The following TMEM229B variants were observed in gnomAD, a reference collection of about 807,000 sequenced individuals.
The protein encoded by TMEM229B is transmembrane protein 229B.
TMEM229B carries 6 observed loss-of-function variants against 13.7 expected under a neutral mutation model. That is an observed-to-expected ratio of 0.44 (90% confidence interval 0.24 to 0.86). The LOEUF is 0.86. Ranked by LOEUF, TMEM229B falls within the 40% of genes least tolerant of loss-of-function variation. The pLI is 0.23. For synonymous variants in TMEM229B, 107 were observed against 102.1 expected (o/e 1.05, Z -0.29); for missense variants, 170 against 236.0 (o/e 0.72, Z 1.83).
intron 1 of TMEM229B, among the ~76,000 whole-genome samples, chr14:67,522,424 G>C (rs1025833767): frequency 1.3e-5 from 2 of 152,276 alleles, no homozygotes; most frequent in African/African-American, 2.4e-5. Flanking sequence ...TCTGAGGGGG[G>C]ACAAAGGAGT....
intron 1 of TMEM229B, among the ~76,000 whole-genome samples, chr14:67,495,252 C>T (rs2032321445): frequency 6.6e-6 from 1 of 152,092 alleles, no homozygotes. Flanking sequence ...GGAAACATTT[C>T]CTCTTCCAAT....
upstream of TMEM229B, among the ~76,000 whole-genome samples, chr14:67,516,900 T>G (rs2033212887): frequency 6.6e-6 from 1 of 152,220 alleles, no homozygotes; most frequent in Non-Finnish European, 1.5e-5. Context: ...TGGCAGGAAC[T>G]CTAGACTTCC....
chr14:67,490,428 C>T (rs1443130644), upstream of TMEM229B, among the ~76,000 whole-genome samples: 1 of 152,230 alleles, frequency 6.6e-6, no homozygotes, highest in Non-Finnish European at 1.5e-5. Context: ...AGGGGAGATA[C>T]TGCAGCCTCC....
At chr14:67,526,402 T>G (rs2033368390) in intron 1 of TMEM229B, among the ~76,000 whole-genome samples, 1 of 152,226 alleles carries the variant, frequency 6.6e-6, no homozygotes, top group Admixed American at 6.5e-5. Flanking sequence ...AAGCTGACGG[T>G]CTTTGCATGC....
intron 1 of TMEM229B, among the ~76,000 whole-genome samples, chr14:67,507,024 A>G (rs558231816): frequency 6.6e-6 from 1 of 152,198 alleles, no homozygotes; most frequent in South Asian, 2.1e-4. Flanking sequence ...AGCCTTGTTC[A>G]AAGGGAACTG....
At chr14:67,492,201 A>G (rs922791619), upstream of TMEM229B, among the ~76,000 whole-genome samples, 4 of 151,452 alleles carry the variant, frequency 2.6e-5, no homozygotes, top group Non-Finnish European at 5.9e-5. Flanking sequence ...TCCCACGTCT[A>G]TTTCCTCCCA....
intron 1 of TMEM229B, among the ~76,000 whole-genome samples, chr14:67,513,675 T>G (rs1287131326): frequency 6.6e-6 from 1 of 152,196 alleles, no homozygotes; most frequent in Non-Finnish European, 1.5e-5. Context: ...ACTTGTATCC[T>G]TGTATCATTA....
Position 67,473,604 on chromosome 14 carries a change from T to G in TMEM229B, c.320A>C (p.Gln107Pro). The G allele has an allele frequency of 6.2e-7, 1 of 1,602,600 alleles. No individual in the cohort carries two copies. Among genetic ancestry groups the G allele is most frequent in the African/African-American group, 1.3e-5 (1 of 74,926 alleles). ...QFNACPWDYS[Q>P]FDFDFMGLIT... ...GAGGCCCATGAAGTCAAAGTCGAAC[T>G]GGGAGTAGTCCCAGGGGCAGGCGTT... The change falls in exon 3 of 3, where the codon CAG becomes CCG. Residue 107 changes from glutamine to proline, a missense_variant. Transcript: ENST00000554480. The surrounding 1 kb of genome is among the most constrained non-coding windows in gnomAD (Gnocchi z 6.5).
upstream of TMEM229B, among the ~76,000 whole-genome samples, chr14:67,490,286 C>T (rs898291984): frequency 6.6e-6 from 1 of 152,320 alleles, no homozygotes; most frequent in East Asian, 1.9e-4. Context: ...TCCTTTCTCC[C>T]ATCTCCAGGA....
chr14:67,533,455 G>A (rs1677512478), intron 1 of TMEM229B: 1 of 151,994 alleles, frequency 6.6e-6, no homozygotes, highest in African/African-American at 2.4e-5. Flanking sequence ...GCGGCGGAGG[G>A]CGTCAGGCTG....
chr14:67,508,449 A>G (rs2032907233), intron 1 of TMEM229B, among the ~76,000 whole-genome samples: 1 of 152,148 alleles, frequency 6.6e-6, no homozygotes, highest in Non-Finnish European at 1.5e-5. Context: ...AGAGTCACTG[A>G]GCTGTGAGGA....
upstream of TMEM229B, among the ~76,000 whole-genome samples, chr14:67,517,938 G>A (rs1161501676): frequency 6.6e-6 from 1 of 152,172 alleles, no homozygotes; most frequent in South Asian, 2.1e-4. Flanking sequence ...GGGTGCACAG[G>A]GTAGAGCAGT....
intron 1 of TMEM229B, among the ~76,000 whole-genome samples, chr14:67,502,539 G>A (rs1156427252): frequency 1.4e-5 from 2 of 143,434 alleles, no homozygotes; most frequent in African/African-American, 5.1e-5. Context: ...TGCAACCTCC[G>A]CCTCCGAGAT....
chr14:67,517,699 A>C (rs566537310), upstream of TMEM229B, among the ~76,000 whole-genome samples: 52 of 152,188 alleles, frequency 3.4e-4, no homozygotes, highest in Admixed American at 1.2e-3. Context: ...ATTTCTTCCC[A>C]AAAAAATTTA....
At chr14:67,507,597 C>T (rs760512987) in intron 1 of TMEM229B, among the ~76,000 whole-genome samples, 10 of 152,080 alleles carry the variant, frequency 6.6e-5, no homozygotes, top group African/African-American at 9.7e-5. Context: ...TACAGACATG[C>T]GCCACCATGT....
chr14:67,484,705 CTTGAGCCCAGGAGT>C (rs904325449), intron 2 of TMEM229B, among the ~76,000 whole-genome samples: 28 of 152,094 alleles, frequency 1.8e-4, no homozygotes, highest in Middle Eastern at 3.2e-3. Flanking sequence ...GGGAGGACTG[CTTGAGCCCAGGAGT>C]TTGAGACCAG....
intron 2 of TMEM229B, among the ~76,000 whole-genome samples, chr14:67,478,524 G>T (rs56284634): frequency 2.6e-5 from 4 of 151,632 alleles, no homozygotes; most frequent in African/African-American, 9.7e-5. Context: ...TAGAAAAAAC[G>T]CAACCTTTCT....
chr14:67,521,256 C>T (rs868259626), intron 1 of TMEM229B, among the ~76,000 whole-genome samples: 1 of 152,350 alleles, frequency 6.6e-6, no homozygotes. Context: ...CAAAGTCAGA[C>T]TTCTGTATAG....
At chr14:67,488,314 A>C (rs2031994472) in intron 1 of TMEM229B, among the ~76,000 whole-genome samples, 194 bp downstream of exon 1, 1 of 152,254 alleles carries the variant, frequency 6.6e-6, no homozygotes, top group Admixed American at 6.5e-5. Context: ...GCAGCCGAGG[A>C]GAAGTGAAAG....
Sources: allele counts gnomAD v4.1 joint callset (sites outside exome capture counted in the v4.1 genomes callset), GRCh38; gene constraint gnomAD v4.1.1; non-coding constraint Gnocchi (gnomAD v3.1); transcripts MANE v1.5; gene names NCBI Gene and HGNC (gene_info 2026-07-23, HGNC 2026-07-21).